GAS7: variants seen among roughly 807,000 people sequenced by gnomAD.
GAS7 encodes growth arrest-specific protein 7.
In GAS7, 28 loss-of-function variants were observed where a neutral mutation model predicts 71.1. The ratio of observed to expected loss-of-function variants is 0.39; its 90% CI spans 0.29 to 0.54. The LOEUF is 0.54. Among genes scored for constraint, GAS7 ranks in the 20% least tolerant of loss-of-function variants. The pLI, the probability that GAS7 is intolerant of heterozygous loss-of-function variation, is 0.62. For missense variants in GAS7, 436 were observed against 627.8 expected, an observed-to-expected ratio of 0.69 and a Z score of 3.27; for synonymous variants, 258 against 245.8, an observed-to-expected ratio of 1.05 and a Z score of -0.46.
intron 1 of GAS7, among the ~76,000 whole-genome samples, chr17:10,022,210 C>T (rs1411643757): frequency 6.6e-6 from 1 of 152,094 alleles, no homozygotes; most frequent in African/African-American, 2.4e-5. Context: ...GCTGTGATCG[C>T]ACCACTGCAC....
intron 1 of GAS7, among the ~76,000 whole-genome samples, chr17:10,038,559 T>C (rs546317662): frequency 6.6e-5 from 10 of 152,056 alleles, no homozygotes; most frequent in African/African-American, 2.2e-4. Context: ...CAAAAAGAAC[T>C]GAAAGCAGAG....
rs1037622546 is a variant in GAS7, at chr17:9,926,491, G to A, written c.1014+150C>T. On this transcript the variant is annotated intron_variant, in intron 10 of 13. Coordinates refer to ENST00000432992, the MANE Select transcript of GAS7 (RefSeq NM_201433.2). The surrounding 1 kb of genome is among the most constrained non-coding windows in gnomAD (Gnocchi z 5.0). ...CCTTGGATGGGTGGGGTGCTCTGGCGTAGGCACGAGGCTTGGACATCCCCC... is the reference window on the plus strand; with the variant it reads ...CCTTGGATGGGTGGGGTGCTCTGGCATAGGCACGAGGCTTGGACATCCCCC... The A allele has an allele frequency of 3.0e-5, 24 of 808,854 alleles. No individual in the cohort carries two copies. The highest frequency in any genetic ancestry group is 3.4e-4 in the Middle Eastern group (1 of 2,914). 50.1% of individuals were successfully genotyped at this position (808,854 alleles called of 1,614,324 possible). A position where few individuals can be genotyped will look rare whatever the true frequency, so the allele number is the denominator to read the frequency against.
At chr17:10,147,575 A>C (rs2074131311) in intron 1 of GAS7, among the ~76,000 whole-genome samples, 1 of 152,220 alleles carries the variant, frequency 6.6e-6, no homozygotes. Context: ...TGCCTCTTAC[A>C]GCTCAAAAGT....
intron 1 of GAS7, among the ~76,000 whole-genome samples, chr17:10,105,028 C>A (rs2073743655): frequency 6.6e-6 from 1 of 152,252 alleles, no homozygotes; most frequent in South Asian, 2.1e-4. Flanking sequence ...CTGACTACCT[C>A]ACCTTACACT....
chr17:9,997,387 T>C (rs577405053), intron 2 of GAS7, among the ~76,000 whole-genome samples: 1 of 152,230 alleles, frequency 6.6e-6, no homozygotes, highest in African/African-American at 2.4e-5. Context: ...ATCTATTAAG[T>C]GGAGTTTTAA....
chr17:10,111,536 AAAAC>A (rs986093863), intron 1 of GAS7, among the ~76,000 whole-genome samples: 1 of 119,192 alleles, frequency 8.4e-6, no homozygotes, highest in African/African-American at 3.0e-5. Flanking sequence ...CTGTCTCAAA[AAAAC>A]AAACAAACAA....
chr17:9,981,966 C>A lies in GAS7; in HGVS notation c.305-82G>T. On this transcript the variant is annotated intron_variant, in intron 2 of 13. Coordinates refer to ENST00000432992, the MANE Select transcript of GAS7 (RefSeq NM_201433.2). The surrounding 1 kb of genome is among the most constrained non-coding windows in gnomAD (Gnocchi z 4.4). ...GTTTCACAGAGCAGAAGGAGATGCT[C>A]AGAGCTGGAGAAAAAGAGAGACAGC... The A allele has an allele frequency of 1.2e-6, 1 of 807,834 alleles. No individual in the cohort carries two copies. The highest frequency in any genetic ancestry group is 1.4e-5 in the South Asian group (1 of 70,454). The allele number at this position is 807,834 out of a possible 1,614,324, so 50.0% of individuals were successfully genotyped here. A position where few individuals can be genotyped will look rare whatever the true frequency, so the allele number is the denominator to read the frequency against.
intron 1 of GAS7, among the ~76,000 whole-genome samples, chr17:10,148,863 T>C (rs922917818): frequency 7.0e-6 from 1 of 143,286 alleles, no homozygotes; most frequent in Non-Finnish European, 1.5e-5. Context: ...TGAGCAGAGA[T>C]GGTGTCACTG....
At position 10,111,015 on chromosome 17, in the gene GAS7, A is replaced by T. The variant is rs958159530; in HGVS notation, c.183+87193T>A. Among the ~76,000 whole-genome samples the T allele has an allele frequency of 3.9e-5, 6 of 152,348 alleles. 1 individual carries two copies. ...TTACGCGTCGATTAAAAAGTAAAAT[A>T]ACACAAGATGCTCTATTTAGACAGG... On this transcript the variant is annotated intron_variant, in intron 1 of 13. Coordinates refer to ENST00000432992, the MANE Select transcript of GAS7 (RefSeq NM_201433.2).
chr17:10,157,496 A>G (rs2074214320), intron 1 of GAS7, among the ~76,000 whole-genome samples: 1 of 151,906 alleles, frequency 6.6e-6, no homozygotes, highest in African/African-American at 2.4e-5. Flanking sequence ...CACTCGTTGG[A>G]AAAAAAAGTT....
rs1008420145 is a variant in GAS7, at chr17:9,913,779, C to T, written c.*3449G>A. On this transcript the variant is annotated 3_prime_UTR_variant, in exon 14 of 14. Transcript: ENST00000432992. ...AGAAAGAATAGAGGGTAACAAGTGG[C>T]TCTTCCTGGAGGTTGTCACAGCAAC... 2 of 231,666 alleles carry T rather than the reference C, an allele frequency of 8.6e-6. No individual in the cohort carries two copies. Among genetic ancestry groups the T allele is most frequent in the African/African-American group, 4.4e-5 (2 of 45,248 alleles). 14.4% of individuals were successfully genotyped at this position (231,666 alleles called of 1,614,324 possible).
rs181215739 is a variant in GAS7, at chr17:10,129,824, G to A, written c.183+68384C>T. Among the ~76,000 whole-genome samples the A allele has an allele frequency of 3.3e-5, 5 of 152,252 alleles. No homozygotes were observed. The South Asian group carries it at 8.3e-4, about 25-fold the overall frequency. On this transcript the variant is annotated intron_variant, in intron 1 of 13. Transcript: ENST00000432992. ...TACAGCCCAATAATTAAAAGACATTGATAATGTAACTCAATTACAAAATGG... is the reference window on the plus strand; with the variant it reads ...TACAGCCCAATAATTAAAAGACATTAATAATGTAACTCAATTACAAAATGG...
intron 1 of GAS7, among the ~76,000 whole-genome samples, chr17:10,086,681 C>T (rs77064275): frequency 0.022 from 3,312 of 152,324 alleles, 132 homozygotes; most frequent in African/African-American, 0.075. Context: ...TTCATTAATA[C>T]ACCTTGAAGG....
chr17:10,180,559 G>A (rs917509218), intron 1 of GAS7, among the ~76,000 whole-genome samples: 3 of 151,936 alleles, frequency 2.0e-5, no homozygotes, highest in African/African-American at 7.3e-5. Context: ...TTTCTTCAAC[G>A]CCTGTTTTTC....
At chr17:10,157,104 A>G (rs1567613622) in intron 1 of GAS7, among the ~76,000 whole-genome samples, 1 of 152,148 alleles carries the variant, frequency 6.6e-6, no homozygotes, top group African/African-American at 2.4e-5. Context: ...ACACAGACCC[A>G]TGCATCATGA....
At chr17:10,043,141 G>A (rs2072897252) in intron 1 of GAS7, among the ~76,000 whole-genome samples, 1 of 152,114 alleles carries the variant, frequency 6.6e-6, no homozygotes, top group Non-Finnish European at 1.5e-5. Context: ...TAAGCAGTGG[G>A]AGAAGAATTA....
At chr17:10,181,606 G>A (rs12952467) in intron 1 of GAS7, among the ~76,000 whole-genome samples, 43,024 of 151,852 alleles carry the variant, frequency 0.28, 6,310 homozygotes, top group South Asian at 0.35. Context: ...GATAGACAGG[G>A]GTTGGGTCAT....
chr17:10,159,098 T>TATATATATATATATATA (rs1555538321), intron 1 of GAS7, among the ~76,000 whole-genome samples: 41 of 45,492 alleles, frequency 9.0e-4, no homozygotes, highest in African/African-American at 1.5e-3. Context: ...ATATATATAT[T>TATATATATATATATATA]AAAGATAACA....
At chr17:10,097,782 C>T (rs942652945) in intron 1 of GAS7, among the ~76,000 whole-genome samples, 10 of 151,950 alleles carry the variant, frequency 6.6e-5, no homozygotes, top group Non-Finnish European at 1.5e-4. Context: ...GGTGGCTCAC[C>T]CCTGTAATCC....
Sources: gnomAD v4.1 joint callset for allele counts (sites outside exome capture counted in the v4.1 genomes callset) on GRCh38, gnomAD v4.1.1 for gene constraint, Gnocchi (gnomAD v3.1) non-coding constraint, MANE v1.5 for transcripts, NCBI Gene and HGNC (gene_info 2026-07-23, HGNC 2026-07-21) for gene names.